SGCZ: variants seen among roughly 807,000 people sequenced by gnomAD.
The protein encoded by SGCZ is sarcoglycan zeta, also known as zeta-sarcoglycan.
In SGCZ, 40 loss-of-function variants were observed where a neutral mutation model predicts 41.3. That is an observed-to-expected ratio of 0.97 (90% CI 0.75 to 1.26). The LOEUF (loss-of-function observed/expected upper bound fraction) is 1.26. SGCZ is among the 50% of genes most tolerant of loss of function. The probability of loss-of-function intolerance (pLI) is 0.00; values close to 1 mark genes in which losing one functional copy is unlikely to be tolerated. For synonymous variants in SGCZ, 206 were observed against 137.5 expected (o/e 1.50, Z -3.49); for missense variants, 552 against 369.8 (o/e 1.49, Z -4.04).
chr8:14,361,562 T>C (rs1468253219), intron 2 of SGCZ, among the ~76,000 whole-genome samples: 1 of 152,236 alleles, frequency 6.6e-6, no homozygotes, highest in Non-Finnish European at 1.5e-5. Flanking sequence ...ACACTGGTTA[T>C]TCTAGTTAGC....
intron 1 of SGCZ, among the ~76,000 whole-genome samples, chr8:15,126,007 G>A (rs966033250): frequency 3.9e-5 from 6 of 152,102 alleles, no homozygotes; most frequent in African/African-American, 7.2e-5. Flanking sequence ...TTAGCCGGGC[G>A]TGCTAGTGCG....
intron 2 of SGCZ, among the ~76,000 whole-genome samples, chr8:14,343,866 C>T (rs1802800331): frequency 6.6e-6 from 1 of 150,868 alleles, no homozygotes; most frequent in Non-Finnish European, 1.5e-5. Flanking sequence ...ACCTATCACA[C>T]CAAGAATTAG....
rs1418256788 is a variant in SGCZ at position 14,497,259 on chromosome 8, C to T, written c.234+57473G>A. 2.6e-5 allele frequency among the ~76,000 whole-genome samples: 4 copies of T among 152,244 alleles called. No individual in the cohort carries two copies. The South Asian group carries it at 8.3e-4, about 32-fold the overall frequency. On this transcript the variant is annotated intron_variant, in intron 2 of 7. Coordinates refer to ENST00000382080, the MANE Select transcript of SGCZ (RefSeq NM_139167.4). ...GCATGGCAACGACATCTGTTCTTGG[C>T]AAGGCCTGAAGCTTATAATCATGGA...
chr8:15,179,997 AG>A (rs1366481525), intron 1 of SGCZ, among the ~76,000 whole-genome samples: 3 of 152,216 alleles, frequency 2.0e-5, no homozygotes, highest in Admixed American at 6.5e-5. Context: ...CCTGTTTAGT[AG>A]GCTGACTATT....
intron 3 of SGCZ, among the ~76,000 whole-genome samples, chr8:14,264,134 G>A (rs555088721): frequency 5.3e-5 from 8 of 152,304 alleles, no homozygotes; most frequent in African/African-American, 1.7e-4. Context: ...GTGACAAGGA[G>A]GCCATAGCTG....
At chr8:14,288,636 A>T (rs965851513) in intron 3 of SGCZ, among the ~76,000 whole-genome samples, 50 of 152,190 alleles carry the variant, frequency 3.3e-4, no homozygotes, top group African/African-American at 9.6e-4. Context: ...TTCATAGCTT[A>T]ATAATACTCC....
At chr8:14,156,319 G>A (rs141223446) in intron 5 of SGCZ, among the ~76,000 whole-genome samples, 1 of 151,996 alleles carries the variant, frequency 6.6e-6, no homozygotes, top group African/African-American at 2.4e-5. Context: ...AGTTAGCCGG[G>A]CGTGGTGGTG....
chr8:14,605,560 C>G (rs1177806221), intron 1 of SGCZ, among the ~76,000 whole-genome samples: 1 of 152,032 alleles, frequency 6.6e-6, no homozygotes, highest in Non-Finnish European at 1.5e-5. Context: ...CCCTCCATGC[C>G]CACTACCCTG....
chr8:14,278,473 G>A (rs1339912784), intron 3 of SGCZ, among the ~76,000 whole-genome samples: 2 of 152,154 alleles, frequency 1.3e-5, no homozygotes, highest in East Asian at 3.9e-4. Context: ...GAAAAAGTAT[G>A]CAGAGAAGCC....
At chr8:14,815,672 C>G (rs1423333166) in intron 1 of SGCZ, among the ~76,000 whole-genome samples, 1 of 152,164 alleles carries the variant, frequency 6.6e-6, no homozygotes, top group Non-Finnish European at 1.5e-5. Flanking sequence ...ATCAAGGTAG[C>G]AGTGTGAACA....
intron 1 of SGCZ, among the ~76,000 whole-genome samples, chr8:15,087,045 T>C (rs1236389917): frequency 1.3e-5 from 2 of 152,158 alleles, no homozygotes; most frequent in African/African-American, 4.8e-5. Flanking sequence ...TTAGCTCACA[T>C]TTGTCCTAAG....
At chr8:14,961,710 A>G (rs191376254) in intron 1 of SGCZ, among the ~76,000 whole-genome samples, 38 of 152,182 alleles carry the variant, frequency 2.5e-4, no homozygotes, top group African/African-American at 7.7e-4. Context: ...GATAAGGAGG[A>G]ACTACTGTAC....
At chr8:14,402,263 C>A (rs1473491436) in intron 2 of SGCZ, among the ~76,000 whole-genome samples, 2 of 151,278 alleles carry the variant, frequency 1.3e-5, no homozygotes, top group Admixed American at 6.6e-5. Context: ...ATGGTAGTTT[C>A]TTTTGCTGTG....
At chr8:14,366,470 C>A (rs188856268) in intron 2 of SGCZ, among the ~76,000 whole-genome samples, 19 of 152,228 alleles carry the variant, frequency 1.2e-4, no homozygotes, top group African/African-American at 4.3e-4. Context: ...TTCTAAACAC[C>A]TGTGGGTTAC....
At position 15,237,880 on chromosome 8, in the gene SGCZ, G is replaced by C; in HGVS notation, c.-257C>G. 4.8e-6 allele frequency: 2 copies of C among 415,698 alleles called. No homozygotes were observed. Among genetic ancestry groups the C allele is most frequent in the Non-Finnish European group, 8.6e-6 (2 of 231,830 alleles). The allele number at this position is 415,698 out of a possible 1,614,324, so 25.8% of individuals were successfully genotyped here. A position where few individuals can be genotyped will look rare whatever the true frequency, so the allele number is the denominator to read the frequency against. ...ATCTCTACCGCGGTGCAACACAGCT[G>C]AGTCGATTGAAACAGGGGCCAAAAG... On this transcript the variant is annotated 5_prime_UTR_variant, in exon 1 of 8. Transcript: ENST00000382080.
At chr8:14,121,948 C>T (rs1802709495) in intron 5 of SGCZ, among the ~76,000 whole-genome samples, 1 of 152,156 alleles carries the variant, frequency 6.6e-6, no homozygotes, top group African/African-American at 2.4e-5. Flanking sequence ...GTATACCTCA[C>T]AGTTGCTTAG....
chr8:15,144,889 C>T (rs923650928), intron 1 of SGCZ, among the ~76,000 whole-genome samples: 3 of 152,310 alleles, frequency 2.0e-5, no homozygotes, highest in South Asian at 4.1e-4. Context: ...TATTGTGGTG[C>T]TGTATGTAAC....
intron 2 of SGCZ, among the ~76,000 whole-genome samples, chr8:14,458,642 T>A (rs1209554355): frequency 6.6e-6 from 1 of 152,126 alleles, no homozygotes. Context: ...TGTAGCAACA[T>A]GTGGACTAGG....
chr8:15,127,340 T>G (rs189526508), intron 1 of SGCZ, among the ~76,000 whole-genome samples: 3 of 151,492 alleles, frequency 2.0e-5, no homozygotes, highest in Admixed American at 2.0e-4. Context: ...TACAACTAAG[T>G]GATATGAGAC....
Sources: gnomAD v4.1 joint callset for allele counts (sites outside exome capture counted in the v4.1 genomes callset) on GRCh38, gnomAD v4.1.1 for gene constraint, MANE v1.5 for transcripts, NCBI Gene and HGNC (gene_info 2026-07-23, HGNC 2026-07-21) for gene names.